Variants in PPFIA2 observed in about 807,000 individuals in gnomAD.
The protein encoded by PPFIA2 is liprin-alpha-2.
A neutral mutation model predicts 175.5 loss-of-function variants in PPFIA2; 46 were observed. The ratio of observed to expected loss-of-function variants is 0.26; its 90% CI spans 0.21 to 0.34. The LOEUF is 0.34. Among genes scored for constraint, PPFIA2 ranks in the 10% least tolerant of loss-of-function variants. The pLI, the probability that PPFIA2 is intolerant of heterozygous loss-of-function variation, is 1.00. For synonymous variants in PPFIA2, 568 were observed against 511.4 expected (o/e 1.11, Z -1.49); for missense variants, 1,179 against 1,506.1 (o/e 0.78, Z 3.60).
In PPFIA2 at chr12:81,347,605, A is replaced by C; in HGVS notation, c.2160T>G (p.Ser720Arg). The change falls in exon 18 of 33, where the codon AGT becomes AGG. Residue 720 changes from serine to arginine, a missense_variant. By Grantham distance (110) the Ser-to-Arg change is moderately radical. Coordinates refer to ENST00000549396, the MANE Select transcript of PPFIA2 (RefSeq NM_003625.5). Reference sequence around the variant, plus strand: ...GGGTGAGCTTTGGAGTTGAGTGTCCACTGGGGGGAGATGAACTGGCCAGCG... The same window carrying C: ...GGGTGAGCTTTGGAGTTGAGTGTCCCCTGGGGGGAGATGAACTGGCCAGCG... ...ASSLASSSPP[S>R]GHSTPKLTPR... The C allele has an allele frequency of 6.2e-7, 1 of 1,613,774 alleles. No homozygotes were observed. Among genetic ancestry groups the C allele is most frequent in the Non-Finnish European group, 8.5e-7 (1 of 1,179,768 alleles).
intron 7 of PPFIA2, among the ~76,000 whole-genome samples, chr12:81,439,185 CTA>C (rs1381426622): frequency 1.2e-4 from 18 of 145,018 alleles, no homozygotes; most frequent in African/African-American, 3.0e-4. Context: ...CTCTCTCTCT[CTA>C]TATATATATA....
intron 4 of PPFIA2, among the ~76,000 whole-genome samples, chr12:81,509,097 G>A (rs1463550942): frequency 2.0e-5 from 3 of 152,088 alleles, no homozygotes; most frequent in East Asian, 1.9e-4. Context: ...GTAAACTATC[G>A]CAAGAGTTTA....
At chr12:81,492,283 T>C (rs1433404510) in intron 4 of PPFIA2, among the ~76,000 whole-genome samples, 3 of 152,086 alleles carry the variant, frequency 2.0e-5, no homozygotes, top group Non-Finnish European at 4.4e-5. Flanking sequence ...AACACATTTA[T>C]AGGTTTCCTT....
chr12:81,319,459 G>A (rs767382217), intron 22 of PPFIA2, among the ~76,000 whole-genome samples: 6 of 151,782 alleles, frequency 4.0e-5, no homozygotes, highest in Non-Finnish European at 8.9e-5. Flanking sequence ...GAGAAGACAG[G>A]CTTCTGGAGT....
chr12:81,561,853 G>T (rs936703146), intron 4 of PPFIA2, among the ~76,000 whole-genome samples: 1 of 152,092 alleles, frequency 6.6e-6, no homozygotes, highest in Non-Finnish European at 1.5e-5. Context: ...CTTAAGAGTT[G>T]ATTTATCTTG....
At chr12:81,648,186 AAAGC>A in intron 4 of PPFIA2, among the ~76,000 whole-genome samples, 1 of 151,822 alleles carries the variant, frequency 6.6e-6, no homozygotes, top group East Asian at 1.9e-4. Context: ...CAATCAATAA[AAAGC>A]AAGAAAGACA....
intron 24 of PPFIA2, among the ~76,000 whole-genome samples, chr12:81,288,942 C>T (rs1593971985): frequency 1.3e-5 from 2 of 151,452 alleles, no homozygotes; most frequent in South Asian, 2.1e-4. Flanking sequence ...AGGAATCAAA[C>T]AGACTAAAAG....
At chr12:81,732,810 C>A (rs2081094281) in intron 3 of PPFIA2, among the ~76,000 whole-genome samples, 1 of 151,276 alleles carries the variant, frequency 6.6e-6, no homozygotes, top group African/African-American at 2.4e-5. Context: ...AGACCATCGA[C>A]CTAAATTGAA....
rs914195218 is a variant in PPFIA2, at chr12:81,389,239, C to T, written c.763-4995G>A. Among the ~76,000 whole-genome samples the T allele has an allele frequency of 2.2e-4, 33 of 148,340 alleles. 1 individual carries two copies. The highest frequency in any genetic ancestry group is 2.2e-3 in the Admixed American group (32 of 14,702). ...TAAATATTTATTTGGTGCAAATGAA[C>T]GATATTTATTTTCTAATTTGAAAAA... On this transcript the variant is annotated intron_variant, in intron 8 of 32. Coordinates refer to ENST00000549396, the MANE Select transcript of PPFIA2 (RefSeq NM_003625.5).
At chr12:81,311,471 C>T (rs1337314418) in intron 22 of PPFIA2, among the ~76,000 whole-genome samples, 4 of 152,160 alleles carry the variant, frequency 2.6e-5, no homozygotes, top group African/African-American at 7.2e-5. Flanking sequence ...TGGTGGCTCA[C>T]GCCTGTAGTC....
At chr12:81,693,279 C>T (rs1264302038) in intron 3 of PPFIA2, among the ~76,000 whole-genome samples, 1 of 152,032 alleles carries the variant, frequency 6.6e-6, no homozygotes, top group Non-Finnish European at 1.5e-5. Flanking sequence ...GAGGTGGGGT[C>T]TGGTGGGTGG....
Position 81,532,766 on chromosome 12 carries a change from C to A in PPFIA2, c.304-74900G>T, listed in dbSNP as rs2064776181. On this transcript the variant is annotated intron_variant, in intron 4 of 32. Coordinates refer to ENST00000549396, the MANE Select transcript of PPFIA2 (RefSeq NM_003625.5). Reference sequence around the variant, plus strand: ...CCTGATTCCCATTTTATTTTTAAAGCAAGAGCTATGACTCTTATTTGTTTC... The same window carrying A: ...CCTGATTCCCATTTTATTTTTAAAGAAAGAGCTATGACTCTTATTTGTTTC... Among the ~76,000 whole-genome samples, 13 of 151,648 alleles carry A rather than the reference C, an allele frequency of 8.6e-5. No individual in the cohort carries two copies. The Admixed American group carries it at 8.6e-4, about 10-fold the overall frequency.
At chr12:81,377,942 A>G (rs2036759847) in intron 9 of PPFIA2, 1 of 152,192 alleles carries the variant, frequency 6.6e-6, no homozygotes, top group African/African-American at 2.4e-5. Context: ...AGATGAGGTC[A>G]CACAGGATTA....
intron 9 of PPFIA2, among the ~76,000 whole-genome samples, chr12:81,377,530 G>A (rs78358856): frequency 0.19 from 28,473 of 150,848 alleles, 2,815 homozygotes; most frequent in Middle Eastern, 0.23. Context: ...TCCAGCCTGG[G>A]CCACAGGGCA....
chr12:81,519,891 T>C (rs2062906795), intron 4 of PPFIA2, among the ~76,000 whole-genome samples: 2 of 152,208 alleles, frequency 1.3e-5, no homozygotes, highest in African/African-American at 4.8e-5. Flanking sequence ...TCCCTGTATA[T>C]ATGTACATGT....
chr12:81,283,294 T>C (rs1056830920), intron 25 of PPFIA2, among the ~76,000 whole-genome samples: 1 of 152,084 alleles, frequency 6.6e-6, no homozygotes, highest in Non-Finnish European at 1.5e-5. Context: ...TTTGATTTGG[T>C]CATTACAAAC....
intron 4 of PPFIA2, among the ~76,000 whole-genome samples, chr12:81,656,071 C>CTAAAAA (rs904651823): frequency 4.5e-4 from 69 of 151,982 alleles, no homozygotes; most frequent in African/African-American, 1.6e-3. Context: ...GTTATGTAGG[C>CTAAAAA]TTTTTAGTTA....
intron 19 of PPFIA2, among the ~76,000 whole-genome samples, 162 bp from the exon 20 acceptor site, chr12:81,341,370 A>C: frequency 6.6e-6 from 1 of 152,084 alleles, no homozygotes; most frequent in Non-Finnish European, 1.5e-5. Context: ...TTCCCATTAA[A>C]GAGTTTGATT....
chr12:81,350,791 T>C (rs1346385239), intron 17 of PPFIA2, among the ~76,000 whole-genome samples: 1 of 137,376 alleles, frequency 7.3e-6, no homozygotes, highest in African/African-American at 3.1e-5. Context: ...AACCAGATAG[T>C]AATGGTTATT....
Sources: gnomAD v4.1 joint callset for allele counts (sites outside exome capture counted in the v4.1 genomes callset) on GRCh38, gnomAD v4.1.1 for gene constraint, MANE v1.5 for transcripts, NCBI Gene and HGNC (gene_info 2026-07-23, HGNC 2026-07-21) for gene names.